KCNG3: variants seen among roughly 807,000 people sequenced by gnomAD.
KCNG3 encodes voltage-gated potassium channel regulatory subunit KCNG3.
KCNG3 carries 15 observed loss-of-function variants against 29.0 expected under a neutral mutation model. The observed-to-expected ratio is 0.52, with a 90% CI of 0.35 to 0.80. The LOEUF (loss-of-function observed/expected upper bound fraction) is 0.80, where lower values mean the gene tolerates loss of function less well. Among genes scored for constraint, KCNG3 ranks in the 30% least tolerant of loss-of-function variants. The pLI, the probability that KCNG3 is intolerant of heterozygous loss-of-function variation, is 0.01. For missense variants in KCNG3, 512 were observed against 605.7 expected (o/e 0.85, Z 1.62); for synonymous variants, 322 against 248.9 (o/e 1.29, Z -2.76).
At chr2:42,389,658 T>C in the KCNG3 span, among the ~76,000 whole-genome samples, 1 of 152,240 alleles carries the variant, frequency 6.6e-6, no homozygotes, top group Admixed American at 6.5e-5. Flanking sequence ...CTAATGTTGA[T>C]ATATTACCTG....
the KCNG3 span, among the ~76,000 whole-genome samples, chr2:42,404,512 T>C: frequency 6.6e-6 from 1 of 152,250 alleles, no homozygotes; most frequent in Middle Eastern, 3.4e-3. Context: ...CAGATTTGTG[T>C]GAGCTCAAGG....
chr2:42,464,396 A>G (rs954543575), intron 1 of KCNG3, among the ~76,000 whole-genome samples: 1 of 152,182 alleles, frequency 6.6e-6, no homozygotes. Flanking sequence ...AAAGGTAGGG[A>G]TATTTCAAAG....
intron 1 of KCNG3, among the ~76,000 whole-genome samples, chr2:42,445,295 A>G (rs1672571999): frequency 6.6e-6 from 1 of 152,154 alleles, no homozygotes; most frequent in African/African-American, 2.4e-5. Flanking sequence ...GTGGATTGGA[A>G]GGGCATTATT....
the KCNG3 span, among the ~76,000 whole-genome samples, chr2:42,403,806 G>T: frequency 2.0e-5 from 3 of 151,530 alleles, no homozygotes; most frequent in Non-Finnish European, 2.9e-5. Flanking sequence ...TCACTATATT[G>T]CCCAGGCTGG....
chr2:42,447,552 G>A (rs548947970), intron 1 of KCNG3, among the ~76,000 whole-genome samples: 2 of 151,014 alleles, frequency 1.3e-5, no homozygotes, highest in South Asian at 4.2e-4. Flanking sequence ...TCTTACTCCC[G>A]TCAACCATGC....
At chr2:42,399,354 C>G in the KCNG3 span, among the ~76,000 whole-genome samples, 1 of 152,074 alleles carries the variant, frequency 6.6e-6, no homozygotes. Context: ...CCACCGCGCC[C>G]GGCCTGTCCT....
chr2:42,451,147 G>A (rs1672741552), intron 1 of KCNG3, among the ~76,000 whole-genome samples: 1 of 129,624 alleles, frequency 7.7e-6, no homozygotes, highest in Non-Finnish European at 1.5e-5. Context: ...AGAGGTCGCA[G>A]TGAGCTGAGA....
intron 1 of KCNG3, among the ~76,000 whole-genome samples, chr2:42,479,026 C>G (rs1046043774): frequency 1.3e-5 from 2 of 150,302 alleles, no homozygotes; most frequent in East Asian, 3.9e-4. Flanking sequence ...ATTCGAAATC[C>G]AAAATACTCC....
At position 42,455,979 on chromosome 2, in the gene KCNG3, T is replaced by C. The variant is rs532419296; in HGVS notation, c.666-11400A>G. Among the ~76,000 whole-genome samples the C allele has an allele frequency of 8.7e-5, 13 of 149,414 alleles. No homozygotes were observed. In the South Asian group the frequency reaches 2.1e-3, roughly 24 times the overall value. On this transcript the variant is annotated intron_variant, in intron 1 of 1. Transcript: ENST00000306078. The stretch of plus-strand genomic sequence containing the variant: ...ATTATATTACATTTAAAATAATATA[T>C]AGTATATTTTAAATATAGTACAATA...
the KCNG3 span, among the ~76,000 whole-genome samples, chr2:42,423,471 C>T: frequency 6.6e-6 from 1 of 152,346 alleles, no homozygotes; most frequent in East Asian, 1.9e-4. Flanking sequence ...TCCTCACACA[C>T]TCTCTTCTCT....
intron 1 of KCNG3, among the ~76,000 whole-genome samples, chr2:42,488,936 G>T (rs919434640): frequency 2.0e-5 from 3 of 152,000 alleles, no homozygotes; most frequent in African/African-American, 7.2e-5. Context: ...GATATTTATG[G>T]TGCCTGAATA....
chr2:42,457,627 T>TCACACACTCACACACA (rs1553327822), intron 1 of KCNG3, among the ~76,000 whole-genome samples: 12 of 125,434 alleles, frequency 9.6e-5, no homozygotes, highest in Non-Finnish European at 1.7e-4. Context: ...CAGGCAGATC[T>TCACACACTCACACACA]CACACACACA....
the KCNG3 span, among the ~76,000 whole-genome samples, chr2:42,428,327 G>T: frequency 6.6e-6 from 1 of 151,580 alleles, no homozygotes; most frequent in East Asian, 1.9e-4. Context: ...AGACAATAGT[G>T]GTGCACGCCT....
chr2:42,444,510 G>C lies in KCNG3; in HGVS notation c.735C>G (p.Asn245Lys). The C allele has an allele frequency of 1.2e-6, 2 of 1,614,150 alleles. No individual in the cohort carries two copies. The highest frequency in any genetic ancestry group is 2.2e-5 in the East Asian group (1 of 44,886). ...GGGGTCTCTTGACAAACTCACACTT[G>C]TTTTTGGAGACAATGAACCTCACGA... The part of the protein sequence containing the change: ...ECIVRFIVSK[N>K]KCEFVKRPLN... The change falls in exon 2 of 2, where the codon AAC becomes AAG. Residue 245 changes from asparagine to lysine, a missense_variant. Asn to Lys is a moderately conservative substitution (Grantham distance 94). Coordinates refer to ENST00000306078, the MANE Select transcript of KCNG3 (RefSeq NM_133329.6). This position sits in a 1 kb window ranked among gnomAD's most constrained non-coding sequence, Gnocchi z 5.8.
rs185169182 is a variant in KCNG3, at chr2:42,476,032, C to T, written c.665+16805G>A. ...AGTGAGCCAAGATCGTGCCATTGCACCCCAGCCTGGGCAACAAGAGTGAAC... is the reference window on the plus strand; with the variant it reads ...AGTGAGCCAAGATCGTGCCATTGCATCCCAGCCTGGGCAACAAGAGTGAAC... On this transcript the variant is annotated intron_variant, in intron 1 of 1. Transcript: ENST00000306078. Among the ~76,000 whole-genome samples the T allele has an allele frequency of 2.6e-3, 393 of 152,210 alleles. 1 individual carries two copies. The highest frequency in any genetic ancestry group is 8.6e-3 in the African/African-American group (358 of 41,536).
At chr2:42,477,418 C>CACACAG (rs1558386650) in intron 1 of KCNG3, among the ~76,000 whole-genome samples, 526 of 49,284 alleles carry the variant, frequency 0.011, 10 homozygotes, top group African/African-American at 0.025. Context: ...CACACACACA[C>CACACAG]ACACATATAT....
intron 1 of KCNG3, among the ~76,000 whole-genome samples, chr2:42,485,752 C>T (rs1673704244): frequency 6.6e-6 from 1 of 152,056 alleles, no homozygotes; most frequent in African/African-American, 2.4e-5. Context: ...CCGGCAAATG[C>T]TTAGTCATTT....
In KCNG3 at chr2:42,493,052, G is replaced by A. The variant is rs765876589; in HGVS notation, c.450C>T (p.Ser150=). Residue 150 remains serine (S), a synonymous_variant, in exon 1 of 2, where the codon TCC becomes TCT. Coordinates refer to ENST00000306078, the MANE Select transcript of KCNG3 (RefSeq NM_133329.6). ...ARPGGAEAAP[S]RRWLERMRRT... is the part of the protein sequence containing the mutation. ...GCCGCATGCGCTCCAGCCAGCGCCT[G>A]GAGGGAGCCGCCTCGGCCCCGCCGG... The A allele has an allele frequency of 1.2e-5, 18 of 1,525,484 alleles. No homozygotes were observed. The South Asian group carries it at 2.1e-4, about 18-fold the overall frequency. 94.5% of individuals were successfully genotyped at this position (1,525,484 alleles called of 1,614,324 possible).
intron 1 of KCNG3, among the ~76,000 whole-genome samples, chr2:42,473,272 G>A (rs1389298682): frequency 6.6e-6 from 1 of 151,848 alleles, no homozygotes; most frequent in Non-Finnish European, 1.5e-5. Context: ...ATCATCTATT[G>A]TTTTTTATAT....
Sources: gnomAD v4.1 joint callset for allele counts (sites outside exome capture counted in the v4.1 genomes callset) on GRCh38, gnomAD v4.1.1 for gene constraint, Gnocchi (gnomAD v3.1) non-coding constraint, MANE v1.5 for transcripts, NCBI Gene and HGNC (gene_info 2026-07-23, HGNC 2026-07-21) for gene names.